ADAMTSL1: variants seen among roughly 807,000 people sequenced by gnomAD.
ADAMTSL1 encodes ADAMTS like 1.
A neutral mutation model predicts 201.8 loss-of-function variants in ADAMTSL1; 126 were observed. That is an observed-to-expected ratio of 0.62 (90% CI 0.54 to 0.72). The LOEUF (loss-of-function observed/expected upper bound fraction) is 0.72. Among genes scored for constraint, ADAMTSL1 ranks in the 30% least tolerant of loss-of-function variants. The pLI, the probability that ADAMTSL1 is intolerant of heterozygous loss-of-function variation, is 0.00. For synonymous variants in ADAMTSL1, 1,121 were observed against 903.4 expected (o/e 1.24, Z -4.32); for missense variants, 2,679 against 2,277.8 (o/e 1.18, Z -3.59).
intron 2 of ADAMTSL1, among the ~76,000 whole-genome samples, chr9:18,308,990 A>T (rs1834014453): frequency 6.6e-6 from 1 of 152,190 alleles, no homozygotes; most frequent in African/African-American, 2.4e-5. Flanking sequence ...ATCCACCATG[A>T]TCAAGTCAGC....
At chr9:18,638,651 A>G (rs1355573297) in intron 6 of ADAMTSL1, among the ~76,000 whole-genome samples, 1 of 152,158 alleles carries the variant, frequency 6.6e-6, no homozygotes, top group Non-Finnish European at 1.5e-5. Context: ...TACCTTATAT[A>G]TGCATAAAGC....
intron 15 of ADAMTSL1, among the ~76,000 whole-genome samples, chr9:18,722,813 AC>A (rs1176777857): frequency 1.3e-5 from 2 of 152,196 alleles, no homozygotes; most frequent in East Asian, 3.8e-4. Flanking sequence ...TTGGAGAAGC[AC>A]CCAACCCATG....
At chr9:18,144,701 AT>A (rs922129630) in intron 1 of ADAMTSL1, among the ~76,000 whole-genome samples, 1 of 152,136 alleles carries the variant, frequency 6.6e-6, no homozygotes, top group African/African-American at 2.4e-5. Context: ...GAAGCAGAGA[AT>A]TTTAAAACTT....
intron 1 of ADAMTSL1, among the ~76,000 whole-genome samples, chr9:18,163,676 C>A (rs560701610): frequency 6.6e-6 from 1 of 151,962 alleles, no homozygotes; most frequent in African/African-American, 2.4e-5. Context: ...TTCCTGGTAT[C>A]CATTGGAGGA....
intron 2 of ADAMTSL1, among the ~76,000 whole-genome samples, chr9:18,322,736 T>A (rs1043931918): frequency 1.3e-5 from 2 of 151,834 alleles, no homozygotes; most frequent in Non-Finnish European, 2.9e-5. Flanking sequence ...ATACCAGAAA[T>A]AAGAGTGGTT....
chr9:18,842,167 G>A (rs966882720), intron 23 of ADAMTSL1, among the ~76,000 whole-genome samples: 57 of 151,798 alleles, frequency 3.8e-4, no homozygotes, highest in Middle Eastern at 3.4e-3. Flanking sequence ...TTTCTCTTGC[G>A]GGCATTTAGT....
chr9:18,206,141 T>C (rs542587302), intron 2 of ADAMTSL1, among the ~76,000 whole-genome samples: 2 of 151,512 alleles, frequency 1.3e-5, no homozygotes, highest in African/African-American at 4.8e-5. Flanking sequence ...TTTTATGTTA[T>C]CTTATTTTTC....
chr9:18,889,243 TA>T (rs1387392603), intron 24 of ADAMTSL1, among the ~76,000 whole-genome samples: 1 of 152,204 alleles, frequency 6.6e-6, no homozygotes, highest in Non-Finnish European at 1.5e-5. Context: ...TCTTTAAAAA[TA>T]AGATGACCTG....
At chr9:18,176,596 A>G (rs1422040466) in intron 2 of ADAMTSL1, among the ~76,000 whole-genome samples, 3 of 152,162 alleles carry the variant, frequency 2.0e-5, no homozygotes, top group South Asian at 2.1e-4. Context: ...TTCCAGGGTC[A>G]CAAAGATCTG....
chr9:18,571,690 G>T (rs1026236867), intron 3 of ADAMTSL1, among the ~76,000 whole-genome samples: 1 of 152,310 alleles, frequency 6.6e-6, no homozygotes, highest in East Asian at 1.9e-4. Flanking sequence ...TTTAAGGAAG[G>T]CTACGTGTAG....
intron 1 of ADAMTSL1, among the ~76,000 whole-genome samples, chr9:18,055,991 T>C (rs527563760): frequency 3.3e-5 from 5 of 152,218 alleles, no homozygotes; most frequent in Non-Finnish European, 7.3e-5. Context: ...TTGAAAATTA[T>C]ACTGCCTGAG....
intron 9 of ADAMTSL1, among the ~76,000 whole-genome samples, chr9:18,675,531 A>C (rs1395675026): frequency 1.3e-5 from 2 of 152,140 alleles, no homozygotes; most frequent in African/African-American, 2.4e-5. Context: ...AGGATGTATA[A>C]TTTGGGGATT....
chr9:17,908,292 G>C (rs73414823), intron 1 of ADAMTSL1, among the ~76,000 whole-genome samples: 8,264 of 152,168 alleles, frequency 0.054, 553 homozygotes, highest in African/African-American at 0.16. Context: ...GAATTACCTA[G>C]GGGAGCTCTA....
chr9:18,015,881 G>C (rs998919602), intron 1 of ADAMTSL1, among the ~76,000 whole-genome samples: 1 of 151,990 alleles, frequency 6.6e-6, no homozygotes, highest in Non-Finnish European at 1.5e-5. Context: ...GTGCAGTCAA[G>C]ACTGATAACT....
At chr9:18,527,572 A>T (rs1023133275) in intron 2 of ADAMTSL1, among the ~76,000 whole-genome samples, 1 of 152,182 alleles carries the variant, frequency 6.6e-6, no homozygotes, top group Admixed American at 6.5e-5. Flanking sequence ...TTAATTTTTC[A>T]TGTCATTTCA....
chr9:18,877,287 G>A (rs371393560), intron 23 of ADAMTSL1, among the ~76,000 whole-genome samples: 21 of 152,176 alleles, frequency 1.4e-4, no homozygotes, highest in Non-Finnish European at 2.4e-4. Flanking sequence ...TGGTGAGCCA[G>A]TGTGATCTTT....
At position 18,771,117 on chromosome 9, in the gene ADAMTSL1, C is replaced by A. The variant is rs370181601; in HGVS notation, c.2397+336C>A. On this transcript the variant is annotated intron_variant, in intron 17 of 28. Coordinates refer to ENST00000380548, the MANE Select transcript of ADAMTSL1 (RefSeq NM_001040272.6). The stretch of plus-strand genomic sequence containing the variant: ...CCTTCTATCTCCACACCACCCCCTC[C>A]TCCTGACCTCCCTGTACCTCTTACT... Among the ~76,000 whole-genome samples, 13 of 152,270 alleles carry A rather than the reference C, an allele frequency of 8.5e-5. No homozygotes were observed. The East Asian group carries it at 1.9e-3, about 23-fold the overall frequency.
Position 18,421,182 on chromosome 9 carries a change from C to T in ADAMTSL1, c.208-83647C>T, listed in dbSNP as rs564119587. 4.0e-4 allele frequency among the ~76,000 whole-genome samples: 61 copies of T among 152,202 alleles called. 1 individual carries two copies. The South Asian group carries it at 0.011, about 28-fold the overall frequency. On this transcript the variant is annotated intron_variant, in intron 2 of 29. Transcript: ENST00000680146. ...TGTTCCCAACCAGCTTTCAGGTGGG[C>T]GGGAAGCTTTACATTCTTAAATCCT...
chr9:18,437,333 A>G (rs1017578063), intron 2 of ADAMTSL1, among the ~76,000 whole-genome samples: 1 of 151,908 alleles, frequency 6.6e-6, no homozygotes, highest in Non-Finnish European at 1.5e-5. Flanking sequence ...CTTGTATTCA[A>G]TCCCTTTGCT....
Sources: allele counts gnomAD v4.1 joint callset (sites outside exome capture counted in the v4.1 genomes callset), GRCh38; gene constraint gnomAD v4.1.1; transcripts MANE v1.5; gene names NCBI Gene and HGNC (gene_info 2026-07-23, HGNC 2026-07-21).